Variants in KLF13 observed in about 807,000 individuals in gnomAD.
KLF13 encodes the protein KLF transcription factor 13.
A neutral mutation model predicts 16.7 loss-of-function variants in KLF13; 8 were observed. That is an observed-to-expected ratio of 0.48 (90% CI 0.28 to 0.87). The LOEUF (loss-of-function observed/expected upper bound fraction) is 0.87, where lower values mean the gene tolerates loss of function less well. Among genes scored for constraint, KLF13 ranks in the 40% least tolerant of loss-of-function variants. The pLI is 0.10. For synonymous variants in KLF13, 245 were observed against 208.4 expected (o/e 1.18, Z -1.51); for missense variants, 447 against 452.2 (o/e 0.99, Z 0.10).
chr15:31,364,927 C>CCAG lies in KLF13; in HGVS notation c.578-7082_578-7080dup, dbSNP rs543172275. Among the ~76,000 whole-genome samples the CCAG allele has an allele frequency of 1.7e-4, 26 of 152,346 alleles. No individual in the cohort carries two copies. The South Asian group carries it at 5.2e-3, about 30-fold the overall frequency. On this transcript the variant is annotated intron_variant, in intron 1 of 1. Coordinates refer to ENST00000307145, the MANE Select transcript of KLF13 (RefSeq NM_015995.4). ...GGAAGTCCACCCCCCACCACAGAGG[C>CCAG]CAGGCCTTTCTGCTACCCCTGAGGC... is the stretch of plus-strand genomic sequence containing the variant.
chr15:31,358,536 ATCTC>A (rs1414901701), intron 1 of KLF13, among the ~76,000 whole-genome samples: 1 of 152,224 alleles, frequency 6.6e-6, no homozygotes, highest in Non-Finnish European at 1.5e-5. Flanking sequence ...GTTGTTTACC[ATCTC>A]TCTATCTTCT....
intron 1 of KLF13, chr15:31,420,051 A>AT (rs1566846583): frequency 3.5e-4 from 101 of 290,594 alleles, no homozygotes; most frequent in Non-Finnish European, 1.6e-4. Context: ...AAGTGCTGGA[A>AT]GAAAAAAACC....
At chr15:31,337,470 C>T (rs1167137284) in intron 1 of KLF13, among the ~76,000 whole-genome samples, 2 of 151,924 alleles carry the variant, frequency 1.3e-5, no homozygotes, top group African/African-American at 4.8e-5. Flanking sequence ...CAGGCCCTTT[C>T]TAAAATTACA....
chr15:31,411,837 G>A (rs1276687075), intron 1 of KLF13, among the ~76,000 whole-genome samples: 3 of 152,178 alleles, frequency 2.0e-5, no homozygotes, highest in South Asian at 2.1e-4. Context: ...GAAATAAATA[G>A]GACATTTCTT....
intron 1 of KLF13, among the ~76,000 whole-genome samples, chr15:31,329,600 G>A (rs1453786589): frequency 6.6e-6 from 1 of 152,164 alleles, no homozygotes; most frequent in Non-Finnish European, 1.5e-5. Context: ...CCCCGCGCGA[G>A]CCTCTTGACT....
chr15:31,427,448 C>T (rs561298940), intron 1 of KLF13, among the ~76,000 whole-genome samples: 1 of 152,202 alleles, frequency 6.6e-6, no homozygotes, highest in East Asian at 1.9e-4. Flanking sequence ...TCATATGATC[C>T]AGCAACCTGA....
At chr15:31,381,171 C>CAAAAAAAAAAA (rs398043115), downstream of KLF13, among the ~76,000 whole-genome samples, 3 of 121,462 alleles carry the variant, frequency 2.5e-5, no homozygotes, top group African/African-American at 6.3e-5. Flanking sequence ...GACTCTGTCT[C>CAAAAAAAAAAA]AAAAAAAAAA....
chr15:31,390,805 C>A (rs916642066), upstream of KLF13, among the ~76,000 whole-genome samples: 1 of 151,972 alleles, frequency 6.6e-6, no homozygotes, highest in Non-Finnish European at 1.5e-5. Flanking sequence ...TCTCTGTGTT[C>A]GGCATTATCC....
intron 1 of KLF13, among the ~76,000 whole-genome samples, chr15:31,331,607 G>A (rs1237820737): frequency 3.3e-5 from 5 of 152,206 alleles, no homozygotes; most frequent in Non-Finnish European, 5.9e-5. Flanking sequence ...GCAAAGCCAG[G>A]CTTGTTGGTG....
chr15:31,429,060 G>T (rs1037609121), intron 1 of KLF13, among the ~76,000 whole-genome samples: 51 of 152,178 alleles, frequency 3.4e-4, no homozygotes, highest in African/African-American at 1.2e-3. Flanking sequence ...AAGAATTTTG[G>T]GACAGCACCC....
intron 1 of KLF13, among the ~76,000 whole-genome samples, chr15:31,432,873 G>A (rs919689802): frequency 6.6e-6 from 1 of 152,058 alleles, no homozygotes; most frequent in African/African-American, 2.4e-5. Context: ...CCAACACTTT[G>A]GGAGGCCGAG....
At chr15:31,420,444 A>T in intron 1 of KLF13, 1 of 898,898 alleles carries the variant, frequency 1.1e-6, no homozygotes, top group Non-Finnish European at 1.8e-6. Context: ...TACCACCCCA[A>T]CATAGACACC....
At chr15:31,346,282 G>A (rs1384776263) in intron 1 of KLF13, among the ~76,000 whole-genome samples, 1 of 152,194 alleles carries the variant, frequency 6.6e-6, no homozygotes, top group Non-Finnish European at 1.5e-5. Flanking sequence ...TTTCTCTGAG[G>A]CCAGAAGGAG....
chr15:31,347,159 T>C (rs943729802), intron 1 of KLF13, among the ~76,000 whole-genome samples: 4 of 152,214 alleles, frequency 2.6e-5, no homozygotes, highest in African/African-American at 9.6e-5. Flanking sequence ...TCAGCAGGCG[T>C]TCCCCCCTCC....
At chr15:31,350,494 A>G (rs750489443) in intron 1 of KLF13, among the ~76,000 whole-genome samples, 1 of 152,244 alleles carries the variant, frequency 6.6e-6, no homozygotes, top group Non-Finnish European at 1.5e-5. Flanking sequence ...TTCCGTCTTC[A>G]CCAAACTCTT....
chr15:31,408,965 AAAAC>A (rs1211507986), downstream of KLF13, among the ~76,000 whole-genome samples: 3 of 152,178 alleles, frequency 2.0e-5, no homozygotes, highest in Admixed American at 2.0e-4. Flanking sequence ...AGTCAATAGA[AAAAC>A]AAAGAACAAC....
intron 1 of KLF13, among the ~76,000 whole-genome samples, chr15:31,362,605 T>A (rs1487017923): frequency 6.6e-6 from 1 of 152,262 alleles, no homozygotes; most frequent in Admixed American, 6.5e-5. Flanking sequence ...TGCTATGGAT[T>A]TTTTGTTTTG....
chr15:31,371,511 G>T (rs1339314295), intron 1 of KLF13, among the ~76,000 whole-genome samples: 3 of 152,264 alleles, frequency 2.0e-5, no homozygotes, highest in Non-Finnish European at 4.4e-5. Context: ...TCATGTGACA[G>T]ACTAGACTGA....
chr15:31,343,148 C>A (rs542261173), intron 1 of KLF13, among the ~76,000 whole-genome samples: 26 of 152,232 alleles, frequency 1.7e-4, no homozygotes, highest in African/African-American at 6.3e-4. Context: ...CCTCTTCTCT[C>A]TTCTGCTTTG....
Sources: allele counts gnomAD v4.1 joint callset (sites outside exome capture counted in the v4.1 genomes callset), GRCh38; gene constraint gnomAD v4.1.1; transcripts MANE v1.5; gene names NCBI Gene and HGNC (gene_info 2026-07-23, HGNC 2026-07-21).